SLC8A3: variants seen among roughly 807,000 people sequenced by gnomAD.
SLC8A3 encodes the protein sodium/calcium exchanger 3.
A neutral mutation model predicts 65.4 loss-of-function variants in SLC8A3; 37 were observed. The observed-to-expected ratio is 0.57, with a 90% CI of 0.44 to 0.74. SLC8A3 has a LOEUF of 0.74. SLC8A3 is among the 30% of genes least tolerant of loss of function. SLC8A3 has a pLI of 0.00. For synonymous variants in SLC8A3, 461 were observed against 444.5 expected, an observed-to-expected ratio of 1.04 and a Z score of -0.47; for missense variants, 1,112 against 1,172.1, an observed-to-expected ratio of 0.95 and a Z score of 0.75.
rs1350056544 is a variant in SLC8A3, at chr14:70,167,149, A to G, written c.1274T>C (p.Met425Thr). The G allele has an allele frequency of 1.9e-6, 3 of 1,614,028 alleles. No homozygotes were observed. Among genetic ancestry groups the G allele is most frequent in the Non-Finnish European group, 2.5e-6 (3 of 1,180,022 alleles). The change falls in exon 2 of 7, where the codon ATG (methionine) becomes ACG (threonine). Residue 425 changes from methionine (M) to threonine (T), a missense_variant. By Grantham distance (81) the Met-to-Thr change is moderately conservative. Coordinates refer to ENST00000356921, the MANE Select transcript of SLC8A3 (RefSeq NM_182932.3). ...GTAGTCCACATACATGGTCTTTGACATGTCTCCCCCTTTCCTCACCACTGT... is the reference window on the plus strand; with the variant it reads ...GTAGTCCACATACATGGTCTTTGACGTGTCTCCCCCTTTCCTCACCACTGT... ...LLTVVRKGGD[M>T]SKTMYVDYKT...
At chr14:70,186,113 C>T (rs1883191270) in intron 1 of SLC8A3, among the ~76,000 whole-genome samples, 1 of 152,128 alleles carries the variant, frequency 6.6e-6, no homozygotes, top group African/African-American at 2.4e-5. Context: ...GCAGTAACCC[C>T]CATGCTGCTG....
chr14:70,058,869 TG>T (rs1888453220), intron 3 of SLC8A3, among the ~76,000 whole-genome samples: 1 of 152,218 alleles, frequency 6.6e-6, no homozygotes, highest in Admixed American at 6.5e-5. Flanking sequence ...TGGAAACTGA[TG>T]AAGGTGACTT....
At chr14:70,074,215 G>GGACA (rs1890275359) in intron 2 of SLC8A3, among the ~76,000 whole-genome samples, 2 of 152,210 alleles carry the variant, frequency 1.3e-5, no homozygotes, top group Non-Finnish European at 2.9e-5. Flanking sequence ...CCCCATTTGG[G>GGACA]GTGTGTTGAA....
At chr14:70,074,605 G>T (rs1890307472) in intron 2 of SLC8A3, among the ~76,000 whole-genome samples, 1 of 152,212 alleles carries the variant, frequency 6.6e-6, no homozygotes. Context: ...TATGCTTAAA[G>T]GTCTGAAGTT....
At chr14:70,069,972 G>A (rs2139905158) in intron 2 of SLC8A3, among the ~76,000 whole-genome samples, 1 of 152,284 alleles carries the variant, frequency 6.6e-6, no homozygotes, top group Admixed American at 6.5e-5. Context: ...AGATCCCCTG[G>A]AGAAGTCGCT....
chr14:70,091,240 A>G (rs1891785742), intron 2 of SLC8A3, among the ~76,000 whole-genome samples: 1 of 152,190 alleles, frequency 6.6e-6, no homozygotes. Flanking sequence ...ATTTAATTTT[A>G]TGGCAGCAGA....
At chr14:70,148,215 C>T (rs1442691069) in intron 2 of SLC8A3, among the ~76,000 whole-genome samples, 1 of 152,156 alleles carries the variant, frequency 6.6e-6, no homozygotes, top group Non-Finnish European at 1.5e-5. Flanking sequence ...ATCAAGTAGG[C>T]TAAGCTAAGC....
chr14:70,087,608 C>T (rs1451187385), intron 2 of SLC8A3, among the ~76,000 whole-genome samples: 1 of 152,106 alleles, frequency 6.6e-6, no homozygotes, highest in Non-Finnish European at 1.5e-5. Context: ...AACTCATTTT[C>T]TGAATGTACA....
At chr14:70,079,408 C>A (rs1164400822) in intron 2 of SLC8A3, among the ~76,000 whole-genome samples, 5 of 151,348 alleles carry the variant, frequency 3.3e-5, no homozygotes, top group South Asian at 2.1e-4. Context: ...GAAGCTGGAC[C>A]ACAAGAATTG....
chr14:70,148,588 C>T (rs993001293), intron 2 of SLC8A3, among the ~76,000 whole-genome samples: 6 of 152,242 alleles, frequency 3.9e-5, no homozygotes, highest in Non-Finnish European at 7.4e-5. Flanking sequence ...TCCTTCTGCT[C>T]AGGAAACAGC....
chr14:70,180,437 G>A (rs1006849021), intron 1 of SLC8A3, among the ~76,000 whole-genome samples: 4 of 152,268 alleles, frequency 2.6e-5, no homozygotes, highest in East Asian at 3.9e-4. Flanking sequence ...GGGGTGCTAG[G>A]AGCAGATTCC....
chr14:70,121,597 G>T (rs1314074601), intron 2 of SLC8A3, among the ~76,000 whole-genome samples: 3 of 152,168 alleles, frequency 2.0e-5, no homozygotes, highest in Non-Finnish European at 1.5e-5. Context: ...AACTAGTCAT[G>T]TAGTCAAATA....
intron 5 of SLC8A3, among the ~76,000 whole-genome samples, chr14:70,050,210 G>A (rs772648001): frequency 6.6e-6 from 1 of 152,294 alleles, no homozygotes; most frequent in Middle Eastern, 3.4e-3. Flanking sequence ...GTCATCAGAG[G>A]GGGAGCTAGA....
chr14:70,062,837 C>T (rs893821973), intron 2 of SLC8A3, among the ~76,000 whole-genome samples: 1 of 152,170 alleles, frequency 6.6e-6, no homozygotes, highest in East Asian at 1.9e-4. Flanking sequence ...GCCTGTTTCT[C>T]TGCTGCAGGA....
rs1594874474 is a variant in SLC8A3, at chr14:70,045,716, T to C, written c.*231A>G. 2 of 413,790 alleles carry C rather than the reference T, an allele frequency of 4.8e-6. No homozygotes were observed. The highest frequency in any genetic ancestry group is 6.8e-5 in the East Asian group (2 of 29,554). The allele number at this position is 413,790 out of a possible 1,614,324, so 25.6% of individuals were successfully genotyped here. ...GAGGTGGATTTGTTGCTGTTGCTTGTTTGTATTCAATTAAATACTGTGTAA... is the reference window on the plus strand; with the variant it reads ...GAGGTGGATTTGTTGCTGTTGCTTGCTTGTATTCAATTAAATACTGTGTAA... On this transcript the variant is annotated 3_prime_UTR_variant, in exon 7 of 7. Coordinates refer to ENST00000356921, the MANE Select transcript of SLC8A3 (RefSeq NM_182932.3).
Position 70,169,793 on chromosome 14 carries a change from A to T in SLC8A3, c.-62-1309T>A, listed in dbSNP as rs74062828. ...TTTGTACAGCACCTTAAAGACTCAA[A>T]GTCTTCATCCCCCATATTTGCTCCT... On this transcript the variant is annotated intron_variant, in intron 1 of 6. Coordinates refer to ENST00000356921, the MANE Select transcript of SLC8A3 (RefSeq NM_182932.3). 9.4e-3 allele frequency among the ~76,000 whole-genome samples: 1,425 copies of T among 152,138 alleles called. 20 individuals are homozygous for T. Among genetic ancestry groups the T allele is most frequent in the African/African-American group, 0.032 (1,308 of 41,494 alleles).
intron 2 of SLC8A3, among the ~76,000 whole-genome samples, chr14:70,105,307 C>A (rs59842818): frequency 1.3e-5 from 2 of 151,754 alleles, no homozygotes; most frequent in Admixed American, 1.3e-4. Context: ...CCAACCTGGG[C>A]GACAAAGCGA....
intron 1 of SLC8A3, among the ~76,000 whole-genome samples, chr14:70,169,758 C>T (rs1318240448): frequency 2.0e-5 from 3 of 150,306 alleles, no homozygotes; most frequent in Non-Finnish European, 3.0e-5. Flanking sequence ...TAAAGGAATG[C>T]TGATTTGTGT....
chr14:70,123,391 G>A lies in SLC8A3; in HGVS notation c.1784+43248C>T, dbSNP rs553691379. 3.3e-5 allele frequency among the ~76,000 whole-genome samples: 5 copies of A among 151,630 alleles called. No individual in the cohort carries two copies. The South Asian group carries it at 8.3e-4, about 25-fold the overall frequency. The stretch of plus-strand genomic sequence containing the variant: ...AGAGCATGGAATAAAGAAATATAAT[G>A]TTAATGATGTGTTTGGTGGTAGTAG... On this transcript the variant is annotated intron_variant, in intron 2 of 6. Coordinates refer to ENST00000356921, the MANE Select transcript of SLC8A3 (RefSeq NM_182932.3).
Sources: gnomAD v4.1 joint callset for allele counts (sites outside exome capture counted in the v4.1 genomes callset) on GRCh38, gnomAD v4.1.1 for gene constraint, MANE v1.5 for transcripts, NCBI Gene and HGNC (gene_info 2026-07-23, HGNC 2026-07-21) for gene names.